Variants in TMEFF1 observed in about 807,000 individuals in gnomAD.
TMEFF1 encodes tomoregulin-1.
Under a neutral mutation model 47.5 loss-of-function variants are expected in TMEFF1, and 20 were observed. That is an observed-to-expected ratio of 0.42 (90% CI 0.30 to 0.61). The LOEUF is 0.61. TMEFF1 is among the 20% of genes least tolerant of loss of function. The pLI, the probability that TMEFF1 is intolerant of heterozygous loss-of-function variation, is 0.19. For synonymous variants in TMEFF1, 162 were observed against 166.3 expected, an observed-to-expected ratio of 0.97 and a Z score of 0.20; for missense variants, 411 against 471.1, an observed-to-expected ratio of 0.87 and a Z score of 1.18.
intron 1 of TMEFF1, among the ~76,000 whole-genome samples, chr9:100,484,380 C>T (rs1012927828): frequency 2.0e-5 from 3 of 150,368 alleles, no homozygotes; most frequent in South Asian, 2.1e-4. Flanking sequence ...TGCAATGGTG[C>T]GATCTTGGCT....
At chr9:100,540,411 C>G (rs1252097551) in intron 5 of TMEFF1, among the ~76,000 whole-genome samples, 1 of 152,262 alleles carries the variant, frequency 6.6e-6, no homozygotes, top group African/African-American at 2.4e-5. Flanking sequence ...CTTGCGGCAC[C>G]TAGCCTGGGC....
intron 4 of TMEFF1, among the ~76,000 whole-genome samples, chr9:100,515,207 A>AT (rs1564015187): frequency 1.3e-5 from 2 of 151,442 alleles, no homozygotes; most frequent in South Asian, 2.1e-4. Flanking sequence ...TTTTTAAAAA[A>AT]TTTTTTTTTG....
intron 5 of TMEFF1, among the ~76,000 whole-genome samples, chr9:100,543,704 AACACACACACACACACACACACAC>A (rs36046142): frequency 3.6e-5 from 5 of 138,824 alleles, no homozygotes; most frequent in Admixed American, 7.3e-5. Flanking sequence ...GATGAAGTAA[AACACACACACACACACACACACAC>A]ACACACACAC....
chr9:100,492,031 T>G (rs540978161), intron 1 of TMEFF1, among the ~76,000 whole-genome samples: 1 of 151,990 alleles, frequency 6.6e-6, no homozygotes, highest in Admixed American at 6.6e-5. Context: ...GATTACAGGC[T>G]CGTGCCACCA....
intron 8 of TMEFF1, among the ~76,000 whole-genome samples, chr9:100,568,679 A>G (rs1422393523): frequency 2.6e-5 from 4 of 151,480 alleles, no homozygotes; most frequent in South Asian, 2.1e-4. Flanking sequence ...GTACATTTTC[A>G]TCTCCTCAAG....
chr9:100,484,268 C>G (rs779053352), intron 1 of TMEFF1, among the ~76,000 whole-genome samples: 1 of 151,888 alleles, frequency 6.6e-6, no homozygotes, highest in South Asian at 2.1e-4. Flanking sequence ...GTGTTTTCGA[C>G]TATAGTCACA....
chr9:100,518,972 ATTAT>A (rs1340593203), intron 5 of TMEFF1, among the ~76,000 whole-genome samples: 1 of 152,228 alleles, frequency 6.6e-6, no homozygotes, highest in East Asian at 1.9e-4. Flanking sequence ...ATAAAAACCT[ATTAT>A]TTATTAAGAT....
intron 5 of TMEFF1, among the ~76,000 whole-genome samples, chr9:100,529,689 C>T (rs895141757): frequency 5.3e-5 from 8 of 152,100 alleles, no homozygotes; most frequent in Non-Finnish European, 8.8e-5. Flanking sequence ...ATCAACGAGA[C>T]AGAAAGTCAA....
chr9:100,507,747 T>A (rs1396482523), intron 2 of TMEFF1, among the ~76,000 whole-genome samples: 2 of 152,222 alleles, frequency 1.3e-5, no homozygotes, highest in East Asian at 3.8e-4. Context: ...TAATTCTTAA[T>A]GACTGCAATA....
intron 5 of TMEFF1, among the ~76,000 whole-genome samples, chr9:100,526,070 C>T (rs948514773): frequency 6.6e-6 from 1 of 152,066 alleles, no homozygotes; most frequent in Non-Finnish European, 1.5e-5. Context: ...ATTTTTATTC[C>T]ACACCTAATA....
Position 100,572,615 on chromosome 9 carries a change from G to A in TMEFF1, c.997G>A (p.Ala333Thr), listed in dbSNP as rs1477149491. ...SRQKLTHVLI[A>T]AIIGAVQIAI... ...GCAAAAGCTCACTCATGTTCTTATT[G>A]CAGCAATTATTGGAGCTGTACAGAT... Residue 333 changes from alanine (A) to threonine (T), a missense_variant, in exon 9 of 10, where the codon GCA (alanine) becomes ACA (threonine). Coordinates refer to ENST00000374879, the MANE Select transcript of TMEFF1 (RefSeq NM_003692.5). 2 of 1,613,494 alleles carry A rather than the reference G, an allele frequency of 1.2e-6. No homozygotes were observed. The highest frequency in any genetic ancestry group is 1.7e-6 in the Non-Finnish European group (2 of 1,179,702).
At position 100,538,855 on chromosome 9, in the gene TMEFF1, A is replaced by G. The variant is rs537305856; in HGVS notation, c.561-8889A>G. On this transcript the variant is annotated intron_variant, in intron 5 of 9. Transcript: ENST00000374879. ...TTATTCCAGTCTTTTGTTTTCATGA[A>G]TAATACTGCTGTGAATATTCTTTCA... Among the ~76,000 whole-genome samples the G allele has an allele frequency of 2.6e-5, 4 of 152,208 alleles. No homozygotes were observed. In the East Asian group the frequency reaches 7.7e-4, roughly 29 times the overall value.
chr9:100,499,690 T>A (rs1395455622), intron 2 of TMEFF1, among the ~76,000 whole-genome samples: 1 of 152,176 alleles, frequency 6.6e-6, no homozygotes, highest in Non-Finnish European at 1.5e-5. Flanking sequence ...CTGTATGAGC[T>A]CAGGTAATTT....
chr9:100,484,557 G>A (rs1449027422), intron 1 of TMEFF1, among the ~76,000 whole-genome samples: 4 of 152,036 alleles, frequency 2.6e-5, no homozygotes, highest in Non-Finnish European at 5.9e-5. Context: ...GACCTCAGGT[G>A]ATCCGCCTGC....
chr9:100,575,749 C>G (rs1839340463), intron 9 of TMEFF1, among the ~76,000 whole-genome samples: 1 of 151,822 alleles, frequency 6.6e-6, no homozygotes, highest in Admixed American at 6.6e-5. Context: ...TGAGGTTGCA[C>G]AGTTAGTTAT....
chr9:100,557,376 G>C (rs919166823), intron 7 of TMEFF1, among the ~76,000 whole-genome samples: 9 of 151,888 alleles, frequency 5.9e-5, no homozygotes, highest in Admixed American at 5.3e-4. Flanking sequence ...CTCTTCAAAA[G>C]GCCTTTAGTG....
chr9:100,541,593 C>G (rs1433161987), intron 5 of TMEFF1, among the ~76,000 whole-genome samples: 1 of 151,894 alleles, frequency 6.6e-6, no homozygotes, highest in Non-Finnish European at 1.5e-5. Flanking sequence ...AGGTGGGTCT[C>G]AAACTCCTCA....
rs528461980 is a variant in TMEFF1 at position 100,563,648 on chromosome 9, C to A, written c.899+2128C>A. On this transcript the variant is annotated intron_variant, in intron 8 of 9. Coordinates refer to ENST00000374879, the MANE Select transcript of TMEFF1 (RefSeq NM_003692.5). ...GAGATAATATATGTAAAGTGCTTAG[C>A]CTGATACCTGGTATGTAGTATGTAC... 3.4e-4 allele frequency among the ~76,000 whole-genome samples: 52 copies of A among 152,242 alleles called. 2 individuals carry two copies. The South Asian group carries it at 0.01, about 30-fold the overall frequency.
chr9:100,527,606 G>A (rs1014397959), intron 5 of TMEFF1, among the ~76,000 whole-genome samples: 1 of 152,090 alleles, frequency 6.6e-6, no homozygotes, highest in African/African-American at 2.4e-5. Context: ...ATATAGTCTC[G>A]CTGATGGCTA....
Sources: allele counts gnomAD v4.1 joint callset (sites outside exome capture counted in the v4.1 genomes callset), GRCh38; gene constraint gnomAD v4.1.1; transcripts MANE v1.5; gene names NCBI Gene and HGNC (gene_info 2026-07-23, HGNC 2026-07-21).